The following DNA2 variants were observed in gnomAD, a reference collection of about 807,000 sequenced individuals.
DNA2 encodes the protein DNA replication helicase/nuclease 2, also known as DNA replication ATP-dependent helicase/nuclease DNA2.
In DNA2, 101 loss-of-function variants were observed where a neutral mutation model predicts 119.1. The observed-to-expected ratio is 0.85, with a 90% CI of 0.72 to 1.00. The LOEUF (loss-of-function observed/expected upper bound fraction) is 1.00. Ranked by LOEUF, DNA2 falls within the 50% of genes least tolerant of loss-of-function variation. The probability of loss-of-function intolerance (pLI) is 0.00; values close to 1 mark genes in which losing one functional copy is unlikely to be tolerated. For synonymous variants in DNA2, 366 were observed against 424.4 expected (o/e 0.86, Z 1.69); for missense variants, 1,121 against 1,255.5 (o/e 0.89, Z 1.62).
chr10:68,453,310 A>C (rs2052143583), intron 5 of DNA2, among the ~76,000 whole-genome samples: 1 of 152,172 alleles, frequency 6.6e-6, no homozygotes. Context: ...AATTTCCTTT[A>C]TGACTGACCT....
chr10:68,447,605 A>G (rs1488694494), intron 6 of DNA2, among the ~76,000 whole-genome samples: 1 of 149,904 alleles, frequency 6.7e-6, no homozygotes, highest in African/African-American at 2.5e-5. Flanking sequence ...GGGAGGATTG[A>G]TTGACCCTGG....
intron 9 of DNA2, among the ~76,000 whole-genome samples, chr10:68,441,135 C>G (rs536209945): frequency 9.2e-5 from 14 of 151,798 alleles, no homozygotes; most frequent in African/African-American, 3.4e-4. Context: ...GAGTTCAAGA[C>G]CAGCCTGGGC....
rs1173074639 is a variant in DNA2 at position 68,446,431 on chromosome 10, T to A, written c.940-18A>T. On this transcript the variant is annotated intron_variant, in intron 6 of 20. Transcript: ENST00000358410. ...AGAACAACCTGTGCAAACATTGACA[T>A]TTGCTCAAACAAAACTATAACTTCT... 6.8e-7 allele frequency: 1 copy of A among 1,460,834 alleles called. No individual in the cohort carries two copies. The allele number at this position is 1,460,834 out of a possible 1,614,324, so 90.5% of individuals were successfully genotyped here.
chr10:68,425,809 C>CAA (rs59128210), intron 14 of DNA2, among the ~76,000 whole-genome samples: 146 of 144,570 alleles, frequency 1.0e-3, no homozygotes, highest in African/African-American at 3.5e-3. Context: ...TTTCATAATT[C>CAA]AAAAAAAAAA....
chr10:68,448,962 T>TAGTA (rs2052078842), intron 6 of DNA2, among the ~76,000 whole-genome samples: 1 of 104,224 alleles, frequency 9.6e-6, no homozygotes, highest in African/African-American at 3.5e-5. Context: ...TGTGTGTGTG[T>TAGTA]GTGTGCGTGT....
At chr10:68,430,341 A>G in intron 14 of DNA2, 95 bp downstream of exon 14, 1 of 837,498 alleles carries the variant, frequency 1.2e-6, no homozygotes, top group Non-Finnish European at 1.9e-6. Flanking sequence ...GTGCAAATCC[A>G]GTCAATGTGA....
At chr10:68,443,957 A>G (rs1235218821) in intron 8 of DNA2, among the ~76,000 whole-genome samples, 2 of 151,782 alleles carry the variant, frequency 1.3e-5, no homozygotes, top group African/African-American at 4.9e-5. Context: ...TCTCAAAAAA[A>G]AAGAAAAAAA....
chr10:68,418,557 T>C (rs1412058830), intron 19 of DNA2, among the ~76,000 whole-genome samples: 5 of 151,382 alleles, frequency 3.3e-5, no homozygotes, highest in Non-Finnish European at 5.9e-5. Context: ...GGCGGTTTGC[T>C]GCACCTGTTG....
At position 68,459,318 on chromosome 10, in the gene DNA2, T is replaced by A. The variant is rs1006531350; in HGVS notation, c.588-83A>T. ...GATAGCGAATATGAAAGTATAAATA[T>A]GAGAAAAGTAAACGAGGACAAAAAA... On this transcript the variant is annotated intron_variant, in intron 4 of 20. Coordinates refer to ENST00000358410, the MANE Select transcript of DNA2 (RefSeq NM_001080449.3). 9 of 1,370,764 alleles carry A rather than the reference T, an allele frequency of 6.6e-6. No homozygotes were observed. The African/African-American group carries it at 8.8e-5, about 13-fold the overall frequency. 84.9% of individuals were successfully genotyped at this position (1,370,764 alleles called of 1,614,324 possible). A position where few individuals can be genotyped will look rare whatever the true frequency, so the allele number is the denominator to read the frequency against.
At chr10:68,423,149 A>G (rs2051688897) in intron 14 of DNA2, among the ~76,000 whole-genome samples, 1 of 151,898 alleles carries the variant, frequency 6.6e-6, no homozygotes, top group Non-Finnish European at 1.5e-5. Context: ...TGGAACATTC[A>G]AGAGGTAATA....
At chr10:68,472,457 A>G (rs2052394528), upstream of DNA2, among the ~76,000 whole-genome samples, 1 of 152,186 alleles carries the variant, frequency 6.6e-6, no homozygotes, top group South Asian at 2.1e-4. Flanking sequence ...ACTTCTGGCC[A>G]GGCATGGAGG....
chr10:68,453,918 T>A (rs1276681480), intron 5 of DNA2, among the ~76,000 whole-genome samples: 1 of 152,334 alleles, frequency 6.6e-6, no homozygotes, highest in East Asian at 1.9e-4. Context: ...AAAATGTATA[T>A]AAGTTTGTGT....
chr10:68,436,642 T>G (rs1277548556), intron 10 of DNA2, among the ~76,000 whole-genome samples: 1 of 152,234 alleles, frequency 6.6e-6, no homozygotes, highest in Non-Finnish European at 1.5e-5. Flanking sequence ...TGTTATAACA[T>G]GAAGATGAAT....
At chr10:68,464,996 A>T (rs2052310120) in intron 4 of DNA2, among the ~76,000 whole-genome samples, 1 of 151,328 alleles carries the variant, frequency 6.6e-6, no homozygotes, top group Non-Finnish European at 1.5e-5. Flanking sequence ...TCCCCTCCAA[A>T]AAAAAAATAC....
At chr10:68,437,878 T>C (rs1401391763) in intron 9 of DNA2, among the ~76,000 whole-genome samples, 3 of 151,916 alleles carry the variant, frequency 2.0e-5, no homozygotes, top group Non-Finnish European at 2.9e-5. Flanking sequence ...GACAAGCTAA[T>C]TTTTTATATT....
intron 2 of DNA2, among the ~76,000 whole-genome samples, chr10:68,468,776 C>T (rs983000006): frequency 2.0e-5 from 3 of 152,162 alleles, no homozygotes; most frequent in Non-Finnish European, 2.9e-5. Flanking sequence ...CTAGGCCAGG[C>T]GCGGTGGCTC....
intron 4 of DNA2, among the ~76,000 whole-genome samples, chr10:68,460,259 A>T (rs906605606): frequency 1.3e-5 from 2 of 151,692 alleles, no homozygotes; most frequent in African/African-American, 4.8e-5. Context: ...GGCACACACC[A>T]CCATGCTAAG....
chr10:68,467,757 ATTTATT>A lies in DNA2; in HGVS notation c.441+360_441+365del, dbSNP rs563430557. Among the ~76,000 whole-genome samples, 186 of 152,268 alleles carry A rather than the reference ATTTATT, an allele frequency of 1.2e-3. 1 individual carries two copies. The highest frequency in any genetic ancestry group is 0.011 in the Admixed American group (165 of 15,266). ...TACATTTTTTAAAAGCAGTTTGCAC[ATTTATT>A]TTTAGTTTAGTGGGAATCACATGAA... On this transcript the variant is annotated intron_variant, in intron 3 of 20. Transcript: ENST00000358410.
Position 68,446,334 on chromosome 10 carries a change from T to C in DNA2, c.1019A>G (p.Gln340Arg), listed in dbSNP as rs1474538374. The C allele has an allele frequency of 4.4e-6, 7 of 1,596,784 alleles. No individual in the cohort carries two copies. Among genetic ancestry groups the C allele is most frequent in the Non-Finnish European group, 6.0e-6 (7 of 1,171,566 alleles). The change falls in exon 7 of 21, where the codon CAG (glutamine) becomes CGG (arginine). Residue 340 changes from glutamine (Q) to arginine (R), a missense_variant. Coordinates refer to ENST00000358410, the MANE Select transcript of DNA2 (RefSeq NM_001080449.3). ...AGLLLYLKTG[Q>R]MYPVPANHLD... is the part of the protein sequence containing the mutation. ...ATGGTTGGCAGGCACAGGGTACATC[T>C]GACCAGTCTTGAGGTAGAGAAGCAA...
Sources: allele counts gnomAD v4.1 joint callset (sites outside exome capture counted in the v4.1 genomes callset), GRCh38; gene constraint gnomAD v4.1.1; transcripts MANE v1.5; gene names NCBI Gene and HGNC (gene_info 2026-07-23, HGNC 2026-07-21).